Variants in DYNC2LI1 observed in about 807,000 individuals in gnomAD.
The protein encoded by DYNC2LI1 is dynein cytoplasmic 2 light intermediate chain 1, also known as cytoplasmic dynein 2 light intermediate chain 1.
DYNC2LI1 carries 45 observed loss-of-function variants against 51.9 expected under a neutral mutation model. That is an observed-to-expected ratio of 0.87 (90% CI 0.68 to 1.11). The LOEUF (loss-of-function observed/expected upper bound fraction) is 1.11. Among genes scored for constraint, DYNC2LI1 ranks in the 50% most tolerant of loss-of-function variants. The pLI, the probability that DYNC2LI1 is intolerant of heterozygous loss-of-function variation, is 0.00. For missense variants in DYNC2LI1, 490 were observed against 417.4 expected, an observed-to-expected ratio of 1.17 and a Z score of -1.51; for synonymous variants, 130 against 137.8, an observed-to-expected ratio of 0.94 and a Z score of 0.40.
At chr2:43,792,642 A>G (rs548828003) in intron 5 of DYNC2LI1, 4 of 1,524,622 alleles carry the variant, frequency 2.6e-6, no homozygotes, top group East Asian at 2.5e-5. Flanking sequence ...CTCTTTACCT[A>G]TTAAACAATA....
chr2:43,813,708 C>CTTTTTTTTTTTTTTTTTTTTTTTTT (rs1558715512), downstream of DYNC2LI1, among the ~76,000 whole-genome samples: 1 of 35,374 alleles, frequency 2.8e-5, no homozygotes, highest in African/African-American at 1.0e-4. Flanking sequence ...TTTTTTTTTT[C>CTTTTTTTTTTTTTTTTTTTTTTTTT]GTTTTTTTTT....
downstream of DYNC2LI1, chr2:43,810,340 G>C: frequency 1.0e-6 from 1 of 984,438 alleles, no homozygotes; most frequent in Non-Finnish European, 1.2e-6. Flanking sequence ...CCTGCTGTGA[G>C]ACTGACACAT....
chr2:43,796,825 A>G, intron 8 of DYNC2LI1, 30 bp downstream of exon 8: 1 of 1,579,216 alleles, frequency 6.3e-7, no homozygotes, highest in Non-Finnish European at 8.7e-7. Flanking sequence ...TTTGGGCTTG[A>G]ATGGACAGTA....
downstream of DYNC2LI1, chr2:43,810,396 T>C (rs2104731850): frequency 1.0e-6 from 1 of 985,392 alleles, no homozygotes; most frequent in East Asian, 1.1e-4. Flanking sequence ...TCTAAGGAGA[T>C]ATCCTATCAA....
Position 43,801,644 on chromosome 2 carries a change from C to G in DYNC2LI1, c.737C>G (p.Ser246Ter), listed in dbSNP as rs1463359076. The G allele has an allele frequency of 1.2e-6, 2 of 1,607,476 alleles. No individual in the cohort carries two copies. The highest frequency in any genetic ancestry group is 2.2e-5 in the South Asian group (2 of 89,628). ...QLAFGIDKSK[S>*]ICVDQNKPLF... ...TCTTTCTCTTCTCCACGTAGCAAAT[C>G]AATATGTGTGGATCAGAATAAACCG... Residue 246 changes from serine (S) to a stop codon, truncating the protein, a stop_gained, in exon 10 of 13, where the codon TCA becomes TGA. Coordinates refer to ENST00000260605, the MANE Select transcript of DYNC2LI1 (RefSeq NM_016008.4). LOFTEE classifies it high-confidence loss of function.
intron 1 of DYNC2LI1, among the ~76,000 whole-genome samples, chr2:43,774,759 A>G (rs1005457418): frequency 6.6e-5 from 10 of 152,170 alleles, no homozygotes; most frequent in African/African-American, 2.4e-4. Flanking sequence ...AGTGTGGAGA[A>G]TTGTCAGCTT....
At chr2:43,775,548 G>C (rs1300511078) in intron 1 of DYNC2LI1, among the ~76,000 whole-genome samples, 1 of 151,602 alleles carries the variant, frequency 6.6e-6, no homozygotes, top group African/African-American at 2.4e-5. Context: ...ACCCAGGCTG[G>C]AGTGCAGTGA....
At chr2:43,818,726 T>A in the DYNC2LI1 span, among the ~76,000 whole-genome samples, 1 of 152,134 alleles carries the variant, frequency 6.6e-6, no homozygotes, top group Non-Finnish European at 1.5e-5. Context: ...TGTGAAAAAA[T>A]ATCCTCCTTG....
chr2:43,795,652 A>G (rs1022016355), intron 6 of DYNC2LI1, among the ~76,000 whole-genome samples: 6 of 152,230 alleles, frequency 3.9e-5, no homozygotes, highest in African/African-American at 1.4e-4. Context: ...ATAAAAGGGT[A>G]GAAAAAGGAA....
intron 5 of DYNC2LI1, among the ~76,000 whole-genome samples, chr2:43,790,625 G>A (rs1183386245): frequency 6.6e-6 from 1 of 150,820 alleles, no homozygotes; most frequent in East Asian, 2.0e-4. Flanking sequence ...CAGAAAACTT[G>A]TAAAAATACT....
intron 1 of DYNC2LI1, among the ~76,000 whole-genome samples, chr2:43,774,863 T>TC (rs1174297116): frequency 6.6e-6 from 1 of 152,202 alleles, no homozygotes; most frequent in African/African-American, 2.4e-5. Flanking sequence ...CCGTCTTTCC[T>TC]CTCTGCTAGG....
In DYNC2LI1 at chr2:43,801,719, C is replaced by T; in HGVS notation, c.802+10C>T. On this transcript the variant is annotated intron_variant, in intron 10 of 12. Transcript: ENST00000260605. Reference sequence around the variant, plus strand: ...TCTTTCGGTCAAATAGGTTAGTGAACTTATTAAGATTGTTCAATCTTTTTT... The same window carrying T: ...TCTTTCGGTCAAATAGGTTAGTGAATTTATTAAGATTGTTCAATCTTTTTT... The T allele has an allele frequency of 1.2e-6, 2 of 1,600,522 alleles. No individual in the cohort carries two copies. Among genetic ancestry groups the T allele is most frequent in the African/African-American group, 2.7e-5 (2 of 74,714 alleles).
chr2:43,818,271 C>G, the DYNC2LI1 span, among the ~76,000 whole-genome samples: 2 of 152,076 alleles, frequency 1.3e-5, no homozygotes, highest in East Asian at 3.9e-4. Flanking sequence ...TGGCGAAACC[C>G]CATCTCTACT....
chr2:43,799,955 A>T (rs1276393297), intron 8 of DYNC2LI1, among the ~76,000 whole-genome samples: 1 of 152,226 alleles, frequency 6.6e-6, no homozygotes, highest in African/African-American at 2.4e-5. Context: ...CTCTGAGAGC[A>T]TTAAGAACTT....
downstream of DYNC2LI1, chr2:43,812,815 A>G (rs970181987): frequency 6.0e-6 from 2 of 331,496 alleles, no homozygotes; most frequent in Non-Finnish European, 1.1e-5. Context: ...TAGAACAAGG[A>G]AAAAAAATAG....
the DYNC2LI1 span, chr2:43,822,964 G>C: frequency 1.9e-6 from 3 of 1,612,552 alleles, no homozygotes; most frequent in Non-Finnish European, 2.5e-6. Flanking sequence ...TTTCAGAACA[G>C]TCAGTCACCA....
chr2:43,787,923 A>C (rs1673599899), intron 4 of DYNC2LI1, among the ~76,000 whole-genome samples: 2 of 152,188 alleles, frequency 1.3e-5, no homozygotes, highest in South Asian at 4.1e-4. Flanking sequence ...CTTAGTCCAA[A>C]TATTTCCTCA....
chr2:43,787,470 A>G (rs531740312), intron 4 of DYNC2LI1, among the ~76,000 whole-genome samples: 1 of 152,370 alleles, frequency 6.6e-6, no homozygotes, highest in South Asian at 2.1e-4. Context: ...TTAAAATGCT[A>G]GAATAAGATA....
rs773595173 is a variant in DYNC2LI1, at chr2:43,796,751, A to G, written c.610A>G (p.Lys204Glu). The change falls in exon 8 of 13, where the codon AAG becomes GAG. Residue 204 changes from lysine to glutamate, a missense_variant. Lys to Glu is a moderately conservative substitution (Grantham distance 56). Coordinates refer to ENST00000260605, the MANE Select transcript of DYNC2LI1 (RefSeq NM_016008.4). ...FESEKRKVIC[K>E]TLRFVAHYYG... Reference sequence around the variant, plus strand: ...GTCTGAGAAGAGAAAGGTAATATGCAAGACACTTCGATTTGTTGCACATTA... The same window carrying G: ...GTCTGAGAAGAGAAAGGTAATATGCGAGACACTTCGATTTGTTGCACATTA... 1.2e-6 allele frequency: 2 copies of G among 1,613,776 alleles called. No homozygotes were observed. Among genetic ancestry groups the G allele is most frequent in the South Asian group, 2.2e-5 (2 of 91,064 alleles).
Sources: gnomAD v4.1 joint callset for allele counts (sites outside exome capture counted in the v4.1 genomes callset) on GRCh38, gnomAD v4.1.1 for gene constraint, MANE v1.5 for transcripts, NCBI Gene and HGNC (gene_info 2026-07-23, HGNC 2026-07-21) for gene names.